Variants in TYW1B observed in about 807,000 individuals in gnomAD.
TYW1B encodes the protein tRNA-yW synthesizing protein 1 homolog B, also known as S-adenosyl-L-methionine-dependent tRNA 4-demethylwyosine synthase TYW1B.
Under a neutral mutation model 86.9 loss-of-function variants are expected in TYW1B, and 73 were observed. The observed-to-expected ratio is 0.84, with a 90% confidence interval of 0.70 to 1.02. TYW1B has a LOEUF of 1.02. Among genes scored for constraint, TYW1B ranks in the 50% least tolerant of loss-of-function variants. The probability of loss-of-function intolerance (pLI) is 0.00; values close to 1 mark genes in which losing one functional copy is unlikely to be tolerated. For missense variants in TYW1B, 637 were observed against 827.4 expected (o/e 0.77, Z 2.82); for synonymous variants, 248 against 292.8 (o/e 0.85, Z 1.56).
At chr7:72,735,584 A>G (rs1787183058) in intron 8 of TYW1B, among the ~76,000 whole-genome samples, 1 of 151,438 alleles carries the variant, frequency 6.6e-6, no homozygotes, top group East Asian at 1.9e-4. Context: ...AAAAAAAAAA[A>G]AAAGGCCGAG....
At chr7:72,632,106 G>A (rs1403260148) in intron 11 of TYW1B, among the ~76,000 whole-genome samples, 1 of 150,724 alleles carries the variant, frequency 6.6e-6, no homozygotes, top group African/African-American at 2.4e-5. Flanking sequence ...AGACCAGCCT[G>A]GGCAACATAA....
chr7:72,639,256 A>T (rs1336637866), intron 11 of TYW1B, among the ~76,000 whole-genome samples: 1 of 148,164 alleles, frequency 6.7e-6, no homozygotes, highest in Non-Finnish European at 1.5e-5. Flanking sequence ...TTTTTTTTAA[A>T]TTTTTTGTTT....
Position 72,799,488 on chromosome 7 carries a change from C to T in TYW1B, c.846+2912G>A, listed in dbSNP as rs556173802. On this transcript the variant is annotated intron_variant, in intron 6 of 13. Coordinates refer to ENST00000620995, the MANE Select transcript of TYW1B (RefSeq NM_001145440.3). ...AGGTCTGCCTTTTTTTCTTTTGAGA[C>T]GGAGTCTCGCTCTGTCACCCAGGCT... is the stretch of plus-strand genomic sequence containing the variant. Among the ~76,000 whole-genome samples the T allele has an allele frequency of 2.1e-4, 31 of 148,162 alleles. No homozygotes were observed. In the East Asian group the frequency reaches 4.4e-3, roughly 21 times the overall value.
At chr7:72,698,962 T>G (rs1814391293) in intron 10 of TYW1B, among the ~76,000 whole-genome samples, 3 of 152,172 alleles carry the variant, frequency 2.0e-5, no homozygotes, top group Admixed American at 2.0e-4. Context: ...CATTCAACAT[T>G]TATTCAGGGA....
chr7:72,742,311 G>A (rs546283300), intron 8 of TYW1B, among the ~76,000 whole-genome samples: 8 of 152,124 alleles, frequency 5.3e-5, no homozygotes, highest in South Asian at 2.1e-4. Flanking sequence ...TGCATGTTTC[G>A]TAGAGACAAG....
At chr7:72,598,654 G>A (rs71252141) in intron 13 of TYW1B, among the ~76,000 whole-genome samples, 5 of 151,372 alleles carry the variant, frequency 3.3e-5, no homozygotes, top group African/African-American at 1.2e-4. Flanking sequence ...AGCCTGAGGA[G>A]TTATTACAAG....
intron 8 of TYW1B, among the ~76,000 whole-genome samples, chr7:72,733,689 T>C (rs868987749): frequency 2.0e-5 from 3 of 151,474 alleles, no homozygotes; most frequent in Admixed American, 6.6e-5. Context: ...AAAAAGAAAA[T>C]TGCATATCAC....
chr7:72,790,403 TC>T (rs1788201189), intron 6 of TYW1B, among the ~76,000 whole-genome samples: 1 of 152,084 alleles, frequency 6.6e-6, no homozygotes, highest in Non-Finnish European at 1.5e-5. Flanking sequence ...ACAGAGGCAA[TC>T]AATTAATCAA....
intron 6 of TYW1B, among the ~76,000 whole-genome samples, chr7:72,778,125 T>C (rs1469576462): frequency 1.3e-5 from 2 of 152,156 alleles, no homozygotes; most frequent in African/African-American, 4.8e-5. Context: ...CTTAACTAAG[T>C]GTCAAACATT....
At chr7:72,628,798 T>A in intron 12 of TYW1B, 89 bp downstream of exon 12, 1 of 989,794 alleles carries the variant, frequency 1.0e-6, no homozygotes, top group Non-Finnish European at 1.5e-6. Flanking sequence ...ACCTCTAGAG[T>A]TTTACAAGGT....
chr7:72,576,680 T>A (rs1182468042), intron 13 of TYW1B, among the ~76,000 whole-genome samples: 1 of 152,056 alleles, frequency 6.6e-6, no homozygotes, highest in African/African-American at 2.4e-5. Context: ...ACCTGGCTAA[T>A]TTTTTGTATT....
At chr7:72,707,315 G>A (rs1359607540) in intron 10 of TYW1B, among the ~76,000 whole-genome samples, 1 of 152,244 alleles carries the variant, frequency 6.6e-6, no homozygotes, top group Admixed American at 6.5e-5. Flanking sequence ...GGGGATGAGA[G>A]GTCATGTGAA....
chr7:72,772,555 T>C (rs1787886492), intron 7 of TYW1B, among the ~76,000 whole-genome samples: 2 of 152,042 alleles, frequency 1.3e-5, no homozygotes, highest in South Asian at 4.1e-4. Flanking sequence ...CACTATAACC[T>C]GTCATTTCAA....
intron 11 of TYW1B, among the ~76,000 whole-genome samples, chr7:72,644,931 G>A (rs193059655): frequency 0.013 from 1,920 of 150,608 alleles, 43 homozygotes; most frequent in African/African-American, 0.042. Flanking sequence ...GGGTTCAAGC[G>A]ATTCTCCTGC....
chr7:72,639,229 G>A (rs1201129595), intron 11 of TYW1B, among the ~76,000 whole-genome samples: 1 of 151,628 alleles, frequency 6.6e-6, no homozygotes, highest in African/African-American at 2.4e-5. Context: ...TAATGGTATT[G>A]TGTTTATTTT....
chr7:72,739,882 CA>C (rs1563077947), intron 8 of TYW1B, among the ~76,000 whole-genome samples: 1 of 138,950 alleles, frequency 7.2e-6, no homozygotes, highest in Non-Finnish European at 1.5e-5. Context: ...TTAGGCTCAG[CA>C]CAAGCAGGAA....
rs1402221848 is a variant in TYW1B, at chr7:72,744,747, A to G, written c.965-146T>C. The stretch of plus-strand genomic sequence containing the variant: ...CTGCATGACGCAGGAAATTCGCATC[A>G]GAGCATTTTAGTGTTTTGGCAGTGC... On this transcript the variant is annotated intron_variant, in intron 7 of 13. Transcript: ENST00000620995. 3.2e-6 allele frequency: 3 copies of G among 940,768 alleles called. No homozygotes were observed. In the Admixed American group the frequency reaches 6.6e-5, roughly 21 times the overall value. 58.3% of individuals were successfully genotyped at this position (940,768 alleles called of 1,614,324 possible).
chr7:72,824,915 C>A (rs1236200268), intron 2 of TYW1B, among the ~76,000 whole-genome samples: 1 of 151,750 alleles, frequency 6.6e-6, no homozygotes, highest in Non-Finnish European at 1.5e-5. Context: ...CCAGCCTGGG[C>A]AACATGGCAA....
Position 72,632,321 on chromosome 7 carries a change from TTA to T in TYW1B, c.1507-3326_1507-3325del, listed in dbSNP as rs71069094. Among the ~76,000 whole-genome samples, 305 of 74,276 alleles carry T rather than the reference TTA, an allele frequency of 4.1e-3. 7 individuals are homozygous for T. Among genetic ancestry groups the T allele is most frequent in the African/African-American group, 0.02 (203 of 10,046 alleles). The allele number at this position is 74,276 out of a possible 152,430, so 48.7% of individuals were successfully genotyped here. On this transcript the variant is annotated intron_variant, in intron 11 of 13. Coordinates refer to ENST00000620995, the MANE Select transcript of TYW1B (RefSeq NM_001145440.3). ...TATACGTGTATATATATTATATATA[TTA>T]TATATATATACACGTATATATATTA...
Sources: gnomAD v4.1 joint callset for allele counts (sites outside exome capture counted in the v4.1 genomes callset) on GRCh38, gnomAD v4.1.1 for gene constraint, MANE v1.5 for transcripts, NCBI Gene and HGNC (gene_info 2026-07-23, HGNC 2026-07-21) for gene names.